Variants in FAM227B observed in about 807,000 individuals in gnomAD.
FAM227B encodes protein FAM227B.
FAM227B carries 88 observed loss-of-function variants against 73.8 expected under a neutral mutation model. That is an observed-to-expected ratio of 1.19 (90% CI 1.00 to 1.42). The LOEUF (loss-of-function observed/expected upper bound fraction) is 1.42. FAM227B is among the 40% of genes most tolerant of loss of function. The probability of loss-of-function intolerance (pLI) is 0.00; values close to 1 mark genes in which losing one functional copy is unlikely to be tolerated. For missense variants in FAM227B, 632 were observed against 590.9 expected (o/e 1.07, Z -0.72); for synonymous variants, 210 against 190.5 (o/e 1.10, Z -0.84).
At chr15:49,509,023 G>A (rs1287294913) in intron 10 of FAM227B, among the ~76,000 whole-genome samples, 1 of 152,138 alleles carries the variant, frequency 6.6e-6, no homozygotes, top group East Asian at 1.9e-4. Context: ...CTGTGGGGGA[G>A]AGTCTTTATT....
intron 11 of FAM227B, among the ~76,000 whole-genome samples, chr15:49,411,153 A>G (rs1293173367): frequency 6.6e-6 from 1 of 151,788 alleles, no homozygotes; most frequent in African/African-American, 2.4e-5. Context: ...TGAAAATAGA[A>G]CCCCCCAAAA....
intron 10 of FAM227B, among the ~76,000 whole-genome samples, 164 bp from the exon 11 acceptor site, chr15:49,508,512 A>G (rs1266159841): frequency 1.3e-5 from 2 of 152,026 alleles, no homozygotes; most frequent in Non-Finnish European, 2.9e-5. Flanking sequence ...TCATCTAACC[A>G]CTCTAAACAT....
At chr15:49,335,379 GTAT>G (rs1477242676) in intron 14 of FAM227B, 37 bp downstream of exon 14, 2 of 1,326,658 alleles carry the variant, frequency 1.5e-6, no homozygotes, top group East Asian at 2.3e-5. Context: ...TTCTAAAAAA[GTAT>G]TATTTTATAT....
intron 11 of FAM227B, among the ~76,000 whole-genome samples, chr15:49,495,665 A>G (rs1309758665): frequency 1.3e-5 from 2 of 152,104 alleles, no homozygotes; most frequent in African/African-American, 4.8e-5. Context: ...CCTACTTCTA[A>G]TGGTTTCTTT....
chr15:49,351,634 G>A (rs1025400805), intron 13 of FAM227B, among the ~76,000 whole-genome samples: 3 of 152,208 alleles, frequency 2.0e-5, no homozygotes, highest in South Asian at 2.1e-4. Flanking sequence ...AAAGATCAGC[G>A]TGTAGGAGGC....
chr15:49,483,115 C>T (rs759503306), intron 11 of FAM227B: 14 of 1,158,788 alleles, frequency 1.2e-5, no homozygotes, highest in African/African-American at 6.0e-5. Context: ...CAAAACTGAA[C>T]GAATATTTGA....
intron 13 of FAM227B, 22 bp from the exon 14 acceptor site, chr15:49,335,518 A>C: frequency 6.4e-7 from 1 of 1,564,752 alleles, no homozygotes; most frequent in Non-Finnish European, 8.8e-7. Flanking sequence ...ATTATTAAGG[A>C]ATGATTTTCA....
intron 3 of FAM227B, among the ~76,000 whole-genome samples, chr15:49,600,936 G>A (rs755653311): frequency 6.6e-5 from 10 of 150,476 alleles, no homozygotes; most frequent in Non-Finnish European, 8.9e-5. Context: ...CAGCTACACC[G>A]GAGGCTGAAG....
chr15:49,398,074 C>T (rs2047833512), intron 11 of FAM227B, among the ~76,000 whole-genome samples: 2 of 152,060 alleles, frequency 1.3e-5, no homozygotes, highest in South Asian at 4.2e-4. Context: ...AGAGTCAAGA[C>T]CCAACAGTGT....
intron 13 of FAM227B, chr15:49,353,965 T>A (rs1429958030): frequency 2.0e-5 from 3 of 152,204 alleles, no homozygotes; most frequent in Admixed American, 2.0e-4. Context: ...AAATGTGTGT[T>A]CATGTGATGA....
intron 14 of FAM227B, among the ~76,000 whole-genome samples, chr15:49,333,131 A>G (rs1432573301): frequency 6.6e-6 from 1 of 152,088 alleles, no homozygotes; most frequent in Non-Finnish European, 1.5e-5. Context: ...TTTAGTTTAC[A>G]ATCTCCCCTC....
intron 11 of FAM227B, among the ~76,000 whole-genome samples, chr15:49,499,155 G>A (rs1386482778): frequency 9.8e-5 from 9 of 92,004 alleles, no homozygotes; most frequent in African/African-American, 4.0e-4. Context: ...GACAGAGCGA[G>A]ACTCCGTCTC....
At chr15:49,439,069 T>C (rs1056722933) in intron 11 of FAM227B, among the ~76,000 whole-genome samples, 1 of 151,724 alleles carries the variant, frequency 6.6e-6, no homozygotes, top group Non-Finnish European at 1.5e-5. Flanking sequence ...GCAATCAAAC[T>C]GTCAGCTAGG....
Position 49,328,013 on chromosome 15 carries a change from A to G in FAM227B, c.*555T>C, listed in dbSNP as rs377181822. 1.7e-5 allele frequency: 28 copies of G among 1,613,886 alleles called. No homozygotes were observed. The highest frequency in any genetic ancestry group is 9.3e-5 in the African/African-American group (7 of 74,932). The stretch of plus-strand genomic sequence containing the variant: ...AGGATGGGGAGGCTGCACAGTATCA[A>G]TGGTACCTGCGGACAAGCTGCCCAG... On this transcript the variant is annotated 3_prime_UTR_variant, in exon 16 of 16. Coordinates refer to ENST00000299338, the MANE Select transcript of FAM227B (RefSeq NM_152647.3).
intron 11 of FAM227B, among the ~76,000 whole-genome samples, chr15:49,385,813 C>A (rs2046848681): frequency 6.6e-6 from 1 of 151,654 alleles, no homozygotes; most frequent in Non-Finnish European, 1.5e-5. Flanking sequence ...AAAAGGTATT[C>A]CATGCAAATG....
At chr15:49,406,045 G>C (rs553687944) in intron 11 of FAM227B, among the ~76,000 whole-genome samples, 2 of 152,322 alleles carry the variant, frequency 1.3e-5, no homozygotes, top group South Asian at 4.1e-4. Flanking sequence ...TGGACTGCGA[G>C]CTCTAACTCT....
chr15:49,466,507 G>A (rs1054851376), intron 11 of FAM227B, among the ~76,000 whole-genome samples: 10 of 152,120 alleles, frequency 6.6e-5, no homozygotes, highest in African/African-American at 2.4e-4. Context: ...AAATAAAAGA[G>A]GTTTTTGTTT....
At chr15:49,461,940 C>T (rs2053835607) in intron 11 of FAM227B, among the ~76,000 whole-genome samples, 1 of 152,138 alleles carries the variant, frequency 6.6e-6, no homozygotes, top group Non-Finnish European at 1.5e-5. Flanking sequence ...GAGGCCGAAG[C>T]AGGCAGATTA....
chr15:49,528,306 C>T (rs991657105), intron 10 of FAM227B, among the ~76,000 whole-genome samples: 4 of 151,520 alleles, frequency 2.6e-5, no homozygotes, highest in African/African-American at 4.8e-5. Context: ...ATGCAGAAAA[C>T]GAAACTGGAC....
Sources: gnomAD v4.1 joint callset for allele counts (sites outside exome capture counted in the v4.1 genomes callset) on GRCh38, gnomAD v4.1.1 for gene constraint, MANE v1.5 for transcripts, NCBI Gene and HGNC (gene_info 2026-07-23, HGNC 2026-07-21) for gene names.